Variants in SEMA6D observed in about 807,000 individuals in gnomAD.
SEMA6D encodes the protein semaphorin 6D.
In SEMA6D, 35 loss-of-function variants were observed where a neutral mutation model predicts 106.6. The observed-to-expected ratio is 0.33, with a 90% CI of 0.25 to 0.44. The LOEUF is 0.44. Ranked by LOEUF, SEMA6D falls within the 20% of genes least tolerant of loss-of-function variation. The pLI, the probability that SEMA6D is intolerant of heterozygous loss-of-function variation, is 1.00. For synonymous variants in SEMA6D, 499 were observed against 487.7 expected, an observed-to-expected ratio of 1.02 and a Z score of -0.31; for missense variants, 1,185 against 1,345.9, an observed-to-expected ratio of 0.88 and a Z score of 1.87.
intron 3 of SEMA6D, among the ~76,000 whole-genome samples, chr15:47,472,243 G>A (rs2141189801): frequency 6.6e-6 from 1 of 152,246 alleles, no homozygotes. Context: ...TATTTTAATA[G>A]CCCCTATTGT....
chr15:47,728,878 C>T (rs896590195), intron 1 of SEMA6D, among the ~76,000 whole-genome samples: 2 of 152,224 alleles, frequency 1.3e-5, no homozygotes, highest in Non-Finnish European at 2.9e-5. Context: ...CTTCAAAGGA[C>T]CCTTGTGGTT....
intron 1 of SEMA6D, among the ~76,000 whole-genome samples, chr15:47,385,822 T>C (rs2039817959): frequency 6.6e-6 from 1 of 152,212 alleles, no homozygotes; most frequent in South Asian, 2.1e-4. Context: ...GGAGTTAAGA[T>C]AAGAAATAGG....
intron 1 of SEMA6D, among the ~76,000 whole-genome samples, chr15:47,230,088 T>C (rs1198222214): frequency 6.6e-6 from 1 of 152,094 alleles, no homozygotes. Flanking sequence ...GAAGTGTTTT[T>C]ACTTCAGGCC....
chr15:47,192,549 A>T (rs1401277910), intron 1 of SEMA6D, among the ~76,000 whole-genome samples: 1 of 152,212 alleles, frequency 6.6e-6, no homozygotes, highest in African/African-American at 2.4e-5. Context: ...CAAAGATGGG[A>T]AAAAAGCATG....
intron 1 of SEMA6D, among the ~76,000 whole-genome samples, chr15:47,207,957 A>G (rs1026341841): frequency 6.8e-6 from 1 of 147,900 alleles, no homozygotes; most frequent in African/African-American, 2.5e-5. Flanking sequence ...GGAGGGAGTG[A>G]CTGTGGAAAC....
At chr15:47,743,910 A>C (rs2080964914) in intron 1 of SEMA6D, among the ~76,000 whole-genome samples, 1 of 152,118 alleles carries the variant, frequency 6.6e-6, no homozygotes, top group South Asian at 2.1e-4. Flanking sequence ...ATGCAAATCC[A>C]TTTTGAGCCT....
intron 3 of SEMA6D, among the ~76,000 whole-genome samples, chr15:47,500,253 C>G (rs1280700994): frequency 6.6e-6 from 1 of 152,056 alleles, no homozygotes; most frequent in Middle Eastern, 3.2e-3. Context: ...CACTTTCATT[C>G]TTTCTGTAGC....
chr15:47,211,326 T>C (rs1037475802), intron 1 of SEMA6D, among the ~76,000 whole-genome samples: 1 of 152,174 alleles, frequency 6.6e-6, no homozygotes, highest in Non-Finnish European at 1.5e-5. Context: ...TCATTCTCTT[T>C]AATGGCTACA....
intron 2 of SEMA6D, among the ~76,000 whole-genome samples, chr15:47,418,172 A>G (rs1252528078): frequency 6.6e-6 from 1 of 152,114 alleles, no homozygotes; most frequent in African/African-American, 2.4e-5. Flanking sequence ...AGGAAGTGAG[A>G]CAGCAAGCCA....
At chr15:47,212,545 T>C (rs12442330) in intron 1 of SEMA6D, among the ~76,000 whole-genome samples, 70,842 of 152,088 alleles carry the variant, frequency 0.47, 19,217 homozygotes, top group East Asian at 0.83. Flanking sequence ...ATTTTAGTTA[T>C]GGCAATTCAA....
chr15:47,757,398 T>C (rs774584987), intron 1 of SEMA6D, among the ~76,000 whole-genome samples: 1 of 152,184 alleles, frequency 6.6e-6, no homozygotes, highest in Non-Finnish European at 1.5e-5. Flanking sequence ...ATCTAGTTCT[T>C]AAGGCAACAT....
At chr15:47,475,991 A>C (rs1323846507) in intron 3 of SEMA6D, among the ~76,000 whole-genome samples, 1 of 152,274 alleles carries the variant, frequency 6.6e-6, no homozygotes, top group African/African-American at 2.4e-5. Context: ...GTTTGGGCAA[A>C]GTGTGGTGAA....
intron 3 of SEMA6D, among the ~76,000 whole-genome samples, chr15:47,474,188 A>T (rs1375395385): frequency 6.6e-6 from 1 of 152,138 alleles, no homozygotes; most frequent in Non-Finnish European, 1.5e-5. Flanking sequence ...GGACTCATGG[A>T]GTGAACTGAG....
chr15:47,365,883 AGAGAGAG>A (rs1383025202), intron 1 of SEMA6D, among the ~76,000 whole-genome samples: 29 of 81,784 alleles, frequency 3.5e-4, no homozygotes, highest in African/African-American at 1.3e-3. Flanking sequence ...AAAGAGAGAG[AGAGAGAG>A]GAGAGAGAGA....
Position 47,711,123 on chromosome 15 carries a change from A to G in SEMA6D, c.-54-48622A>G, listed in dbSNP as rs938404870. Among the ~76,000 whole-genome samples, 3 of 151,368 alleles carry G rather than the reference A, an allele frequency of 2.0e-5. No homozygotes were observed. The South Asian group carries it at 6.3e-4, about 32-fold the overall frequency. On this transcript the variant is annotated intron_variant, in intron 4 of 19. Transcript: ENST00000558014. ...AGGAGATCGAGACCATCCCGGCTAAAACGGTGAAACCCCGTCTCTACTAAA... is the reference window on the plus strand; with the variant it reads ...AGGAGATCGAGACCATCCCGGCTAAGACGGTGAAACCCCGTCTCTACTAAA...
intron 4 of SEMA6D, chr15:47,600,950 GGTTTTAGATAA>G (rs1402199583): frequency 6.6e-6 from 1 of 152,036 alleles, no homozygotes; most frequent in Non-Finnish European, 1.5e-5. Flanking sequence ...AATTGTTACT[GGTTTTAGATAA>G]GTTTTTGCTG....
At chr15:47,565,811 G>T (rs1287690604) in intron 3 of SEMA6D, among the ~76,000 whole-genome samples, 1 of 152,190 alleles carries the variant, frequency 6.6e-6, no homozygotes, top group Non-Finnish European at 1.5e-5. Flanking sequence ...TCAGTGCAAA[G>T]CGGGAAGTCA....
At chr15:47,201,587 A>G (rs1453202450) in intron 1 of SEMA6D, among the ~76,000 whole-genome samples, 1 of 152,144 alleles carries the variant, frequency 6.6e-6, no homozygotes. Context: ...GAGTAGGGAC[A>G]GGGCTTGGCT....
At chr15:47,297,391 CT>C (rs1354538028) in intron 1 of SEMA6D, among the ~76,000 whole-genome samples, 1 of 152,080 alleles carries the variant, frequency 6.6e-6, no homozygotes, top group Non-Finnish European at 1.5e-5. Context: ...TTTGTCTAGC[CT>C]TTTCATATAA....
Sources: allele counts gnomAD v4.1 joint callset (sites outside exome capture counted in the v4.1 genomes callset), GRCh38; gene constraint gnomAD v4.1.1; transcripts MANE v1.5; gene names NCBI Gene and HGNC (gene_info 2026-07-23, HGNC 2026-07-21).